The following DOCK8 variants were observed in gnomAD, a reference collection of about 807,000 sequenced individuals.
DOCK8 encodes dedicator of cytokinesis 8, also known as dedicator of cytokinesis protein 8.
In DOCK8, 141 loss-of-function variants were observed where a neutral mutation model predicts 245.6. The ratio of observed to expected loss-of-function variants is 0.57; its 90% CI spans 0.50 to 0.66. DOCK8 has a LOEUF of 0.66. Among genes scored for constraint, DOCK8 ranks in the 30% least tolerant of loss-of-function variants. DOCK8 has a pLI of 0.00. For synonymous variants in DOCK8, 1,168 were observed against 970.2 expected, an observed-to-expected ratio of 1.20 and a Z score of -3.79; for missense variants, 2,965 against 2,603.4, an observed-to-expected ratio of 1.14 and a Z score of -3.02.
At chr9:283,825 A>T (rs762880477) in intron 2 of DOCK8, among the ~76,000 whole-genome samples, 10 of 152,266 alleles carry the variant, frequency 6.6e-5, no homozygotes, top group Non-Finnish European at 1.3e-4. Flanking sequence ...TATATGAAAC[A>T]TAAATGAATT....
intron 40 of DOCK8, among the ~76,000 whole-genome samples, chr9:441,038 T>C (rs2057078394): frequency 1.3e-5 from 2 of 151,548 alleles, no homozygotes; most frequent in South Asian, 2.1e-4. Flanking sequence ...TCAGCCAGTA[T>C]TTTTTTTTCC....
intron 9 of DOCK8, 151 bp downstream of exon 9, chr9:328,322 T>G: frequency 9.0e-7 from 1 of 1,116,802 alleles, no homozygotes; most frequent in South Asian, 1.3e-5. Flanking sequence ...TTTTCCGTTC[T>G]AAGTAAACTG....
At chr9:290,617 C>T (rs2048999659) in intron 4 of DOCK8, among the ~76,000 whole-genome samples, 2 of 152,210 alleles carry the variant, frequency 1.3e-5, no homozygotes, top group Admixed American at 6.5e-5. Flanking sequence ...GGACAGCACT[C>T]TCTCATGAGA....
At chr9:377,275 A>G in intron 20 of DOCK8, 64 bp downstream of exon 20, 8 of 1,434,142 alleles carry the variant, frequency 5.6e-6, no homozygotes, top group Admixed American at 2.1e-5. Context: ...TTCTTTAATG[A>G]AAAATGACTT....
chr9:312,343 T>G, intron 6 of DOCK8, 177 bp downstream of exon 6: 1 of 743,436 alleles, frequency 1.3e-6, no homozygotes, highest in Non-Finnish European at 2.4e-6. Flanking sequence ...GAGCCATTAT[T>G]GATTATCACA....
intron 5 of DOCK8, among the ~76,000 whole-genome samples, chr9:307,030 A>G (rs77572507): frequency 0.01 from 1,585 of 152,280 alleles, 20 homozygotes; most frequent in African/African-American, 0.033. Context: ...GAAGTACCAA[A>G]AGAACCTGAA....
At chr9:331,313 C>G (rs1473308673) in intron 9 of DOCK8, among the ~76,000 whole-genome samples, 1 of 152,162 alleles carries the variant, frequency 6.6e-6, no homozygotes, top group East Asian at 1.9e-4. Flanking sequence ...GTGGGATTCG[C>G]CTTCTCTTCA....
intron 44 of DOCK8, among the ~76,000 whole-genome samples, chr9:447,124 G>C (rs1198474679): frequency 1.3e-5 from 2 of 152,062 alleles, no homozygotes; most frequent in Non-Finnish European, 2.9e-5. Flanking sequence ...TTTTAAACAA[G>C]CTACGTACCT....
In DOCK8 at chr9:464,433, G is replaced by A; in HGVS notation, c.*214G>A. 1 of 629,906 alleles carries A rather than the reference G, an allele frequency of 1.6e-6. No homozygotes were observed. Among genetic ancestry groups the A allele is most frequent in the Non-Finnish European group, 2.8e-6 (1 of 352,118 alleles). The allele number at this position is 629,906 out of a possible 1,614,324, so 39.0% of individuals were successfully genotyped here. On this transcript the variant is annotated 3_prime_UTR_variant, in exon 48 of 48. Transcript: ENST00000432829. ...CATACTGGGGGGTGGCGGGATGGAG[G>A]ATGGGTACTCAGGCATGACTGCGTA...
At chr9:400,211 C>CTT (rs2054784593) in intron 26 of DOCK8, among the ~76,000 whole-genome samples, 1 of 114,036 alleles carries the variant, frequency 8.8e-6, no homozygotes, top group Non-Finnish European at 1.9e-5. Context: ...ACCACCACCT[C>CTT]CACTATCACC....
rs544807837 is a variant in DOCK8 at position 263,844 on chromosome 9, A to G, written c.54-7783A>G. Among the ~76,000 whole-genome samples the G allele has an allele frequency of 6.6e-5, 10 of 152,330 alleles. No individual in the cohort carries two copies. The South Asian group carries it at 8.3e-4, about 13-fold the overall frequency. ...TTGGTTGCATTATTACACTTTGAAG[A>G]TAATGTGTCTTTTCCCTGGATGTTT... is the stretch of plus-strand genomic sequence containing the variant. On this transcript the variant is annotated intron_variant, in intron 1 of 47. Coordinates refer to ENST00000432829, the MANE Select transcript of DOCK8 (RefSeq NM_203447.4).
At chr9:400,787 A>T (rs1226896453) in intron 26 of DOCK8, among the ~76,000 whole-genome samples, 10 of 112,576 alleles carry the variant, frequency 8.9e-5, no homozygotes, top group African/African-American at 3.4e-4. Flanking sequence ...CACCACCTCC[A>T]CCATCACCAC....
At position 449,909 on chromosome 9, in the gene DOCK8, G is replaced by A. The variant is rs911462734; in HGVS notation, c.5943G>A (p.Val1981=). The A allele has an allele frequency of 6.2e-7, 1 of 1,613,848 alleles. No homozygotes were observed. The highest frequency in any genetic ancestry group is 8.5e-7 in the Non-Finnish European group (1 of 1,180,008). The stretch of plus-strand genomic sequence containing the variant: ...TTCAGATGGTGCTGCAAGGCTCTGT[G>A]GGAGCTACTGTAAATCAGGTAAGCA... The part of the protein sequence containing the change: ...KMLQMVLQGS[V]GATVNQGPLE... The change falls in exon 45 of 48, where the codon GTG becomes GTA. Residue 1981 remains valine (V), a synonymous_variant. Coordinates refer to ENST00000432829, the MANE Select transcript of DOCK8 (RefSeq NM_203447.4).
chr9:452,117 G>A lies in DOCK8; in HGVS notation c.6068G>A (p.Arg2023Lys), dbSNP rs1439442112. ...TTATGCTTTAAGGAATTCATCATGA[G>A]GTAAGAAGGAAAATGGCTGGGAATT... Reference protein sequence around the residue: ...LRLCFKEFIMRCGEAVEKNKR... With the variant: ...LRLCFKEFIMKCGEAVEKNKR... The change falls in exon 46 of 48, where the codon AGA (arginine) becomes AAA (lysine). Residue 2023 changes from arginine (R) to lysine (K), a missense_variant and splice_region_variant. By Grantham distance (26) the Arg-to-Lys change is conservative (BLOSUM62 2). Coordinates refer to ENST00000432829, the MANE Select transcript of DOCK8 (RefSeq NM_203447.4). The A allele has an allele frequency of 1.9e-6, 3 of 1,601,270 alleles. No individual in the cohort carries two copies. The highest frequency in any genetic ancestry group is 2.7e-5 in the African/African-American group (2 of 74,458).
At chr9:440,058 G>A (rs141416798) in intron 40 of DOCK8, among the ~76,000 whole-genome samples, 172 of 152,090 alleles carry the variant, frequency 1.1e-3, no homozygotes, top group African/African-American at 3.8e-3. Context: ...TAGCTCTGTC[G>A]CCCAGGCTGG....
chr9:460,602 A>G (rs1381828356), intron 46 of DOCK8: 3 of 152,370 alleles, frequency 2.0e-5, no homozygotes, highest in Non-Finnish European at 2.9e-5. Context: ...TAGCTATCCT[A>G]TAATTTGCTT....
At chr9:388,213 T>G (rs566847303) in intron 23 of DOCK8, among the ~76,000 whole-genome samples, 45 of 152,296 alleles carry the variant, frequency 3.0e-4, no homozygotes, top group Non-Finnish European at 6.3e-4. Flanking sequence ...ATGTGCACAG[T>G]TAGACCACCT....
At chr9:243,049 T>C (rs1367355102) in intron 1 of DOCK8, among the ~76,000 whole-genome samples, 1 of 152,172 alleles carries the variant, frequency 6.6e-6, no homozygotes, top group East Asian at 1.9e-4. Flanking sequence ...TGAAATTAGC[T>C]GTGGACAAAG....
rs141468925 is a variant in DOCK8 at position 343,072 on chromosome 9, A to G, written c.1679+2751A>G. On this transcript the variant is annotated intron_variant, in intron 14 of 47. Transcript: ENST00000432829. ...TTCCAGTTCCTCACCCATACTTTCCAGTATGACGTATGTGGGACTAAAATG... is the reference window on the plus strand; with the variant it reads ...TTCCAGTTCCTCACCCATACTTTCCGGTATGACGTATGTGGGACTAAAATG... 2.0e-3 allele frequency among the ~76,000 whole-genome samples: 304 copies of G among 152,336 alleles called. 1 individual carries two copies. Among genetic ancestry groups the G allele is most frequent in the African/African-American group, 7.0e-3 (292 of 41,562 alleles).
Sources: gnomAD v4.1 joint callset for allele counts (sites outside exome capture counted in the v4.1 genomes callset) on GRCh38, gnomAD v4.1.1 for gene constraint, MANE v1.5 for transcripts, NCBI Gene and HGNC (gene_info 2026-07-23, HGNC 2026-07-21) for gene names.